SEPTIN8: variants seen among roughly 807,000 people sequenced by gnomAD.
SEPTIN8 encodes septin 8.
SEPTIN8 carries 22 observed loss-of-function variants against 53.1 expected under a neutral mutation model. That is an observed-to-expected ratio of 0.41 (90% CI 0.30 to 0.59). The LOEUF (loss-of-function observed/expected upper bound fraction) is 0.59. Ranked by LOEUF, SEPTIN8 falls within the 20% of genes least tolerant of loss-of-function variation. SEPTIN8 has a pLI of 0.24. For synonymous variants in SEPTIN8, 228 were observed against 248.4 expected (o/e 0.92, Z 0.77); for missense variants, 536 against 638.7 (o/e 0.84, Z 1.73).
rs180742450 is a variant in SEPTIN8, at chr5:132,767,916, C to G, written c.31-2387G>C. ...CAACATCCTGTAGTCTGCCGCCAAA[C>G]CCCACCAAGTCAGCTGTGTCTGGAA... On this transcript the variant is annotated intron_variant, in intron 1 of 9. Transcript: ENST00000378719. 1.3e-4 allele frequency among the ~76,000 whole-genome samples: 20 copies of G among 149,428 alleles called. No homozygotes were observed. In the East Asian group the frequency reaches 4.1e-3, roughly 31 times the overall value.
intron 3 of SEPTIN8, 118 bp downstream of exon 3, chr5:132,764,106 A>G: frequency 8.7e-7 from 1 of 1,142,958 alleles, no homozygotes; most frequent in Non-Finnish European, 1.2e-6. Context: ...AGAGCCTCAG[A>G]TATTCCCCAA....
intron 1 of SEPTIN8, among the ~76,000 whole-genome samples, chr5:132,770,099 ATG>A (rs59479311): frequency 3.9e-4 from 9 of 22,924 alleles, no homozygotes; most frequent in African/African-American, 1.7e-3. Context: ...GTATATATAT[ATG>A]TATATATGTA....
chr5:132,752,236 G>T (rs1454824064), intron 9 of SEPTIN8, 55 bp from the exon 10 acceptor site: 1 of 1,531,266 alleles, frequency 6.5e-7, no homozygotes, highest in African/African-American at 1.4e-5. Flanking sequence ...TCTGTGTTTT[G>T]CCCCTTTAGC....
chr5:132,764,620 A>C (rs1756394268), intron 2 of SEPTIN8, among the ~76,000 whole-genome samples: 1 of 152,232 alleles, frequency 6.6e-6, no homozygotes, highest in African/African-American at 2.4e-5. Context: ...AACCTGTGGA[A>C]GGAAGAGCCA....
rs527690347 is a variant in SEPTIN8 at position 132,777,186 on chromosome 5, G to A, written c.-49C>T. The A allele has an allele frequency of 3.9e-5, 45 of 1,164,418 alleles. No individual in the cohort carries two copies. Among genetic ancestry groups the A allele is most frequent in the Non-Finnish European group, 4.6e-5 (43 of 943,894 alleles). 72.1% of individuals were successfully genotyped at this position (1,164,418 alleles called of 1,614,324 possible). On this transcript the variant is annotated 5_prime_UTR_variant, in exon 1 of 10. Coordinates refer to ENST00000378719, the MANE Select transcript of SEPTIN8 (RefSeq NM_001098811.2). The surrounding 1 kb of genome is among the most constrained non-coding windows in gnomAD (Gnocchi z 4.1). The stretch of plus-strand genomic sequence containing the variant: ...GGGCTGGGACGAGCGCAGGGGCAGC[G>A]ACAGGGACCAGCCGGCTGCGGGACG...
chr5:132,769,984 TA>T (rs1757016697), intron 1 of SEPTIN8, among the ~76,000 whole-genome samples: 1 of 20,572 alleles, frequency 4.9e-5, no homozygotes, highest in Admixed American at 5.0e-4. Flanking sequence ...TATATATACA[TA>T]TATATATATA....
chr5:132,777,545 A>C (rs1676963481), upstream of SEPTIN8: 1 of 961,506 alleles, frequency 1.0e-6, no homozygotes, highest in Admixed American at 6.2e-5. This position sits in a 1 kb window ranked among gnomAD's most constrained non-coding sequence, Gnocchi z 4.1. Context: ...CCTAGGTGAG[A>C]GTCTCCTGGG....
At chr5:132,763,578 A>G (rs1756224027) in intron 4 of SEPTIN8, 128 bp downstream of exon 4, 2 of 809,972 alleles carry the variant, frequency 2.5e-6, no homozygotes, top group Non-Finnish European at 4.0e-6. Flanking sequence ...GACCGAGCCA[A>G]TGGGGGGCCA....
At position 132,773,444 on chromosome 5, in the gene SEPTIN8, G is replaced by T. The variant is rs986901135; in HGVS notation, c.30+3664C>A. Among the ~76,000 whole-genome samples, 3 of 152,178 alleles carry T rather than the reference G, an allele frequency of 2.0e-5. No homozygotes were observed. Among genetic ancestry groups the T allele is most frequent in the Admixed American group, 6.5e-5 (1 of 15,274 alleles). On this transcript the variant is annotated intron_variant, in intron 1 of 9. Transcript: ENST00000378719. The surrounding 1 kb of genome is among the most constrained non-coding windows in gnomAD (Gnocchi z 4.2). ...CACAGAGACATTCGTGGTAGTTACT[G>T]CCCCAAATATAATATATGCTTCCAC...
upstream of SEPTIN8, among the ~76,000 whole-genome samples, chr5:132,778,382 G>C (rs534592338): frequency 2.0e-5 from 3 of 152,248 alleles, no homozygotes; most frequent in South Asian, 6.2e-4. Context: ...TAGCACACCT[G>C]GCTTAAGAGG....
chr5:132,758,422 T>G (rs2149959328), intron 9 of SEPTIN8: 23 of 1,564,640 alleles, frequency 1.5e-5, no homozygotes, highest in Non-Finnish European at 1.9e-5. Context: ...CAGCTGCACC[T>G]AGGGCACCAC....
chr5:132,755,511 A>G (rs1327677527), intron 9 of SEPTIN8, among the ~76,000 whole-genome samples: 3 of 152,122 alleles, frequency 2.0e-5, no homozygotes, highest in Non-Finnish European at 4.4e-5. Flanking sequence ...GTTACTTGCC[A>G]TGTAACCTTG....
At chr5:132,757,109 T>C (rs1055160000) in intron 9 of SEPTIN8, 21 of 985,048 alleles carry the variant, frequency 2.1e-5, no homozygotes, top group Non-Finnish European at 2.3e-5. Context: ...TACGGACTTA[T>C]TGTGACGCTA....
In SEPTIN8 at chr5:132,777,121, A is replaced by C; in HGVS notation, c.17T>G (p.Leu6Arg). The C allele has an allele frequency of 9.3e-7, 1 of 1,076,536 alleles. No individual in the cohort carries two copies. The allele number at this position is 1,076,536 out of a possible 1,614,324, so 66.7% of individuals were successfully genotyped here. A position where few individuals can be genotyped will look rare whatever the true frequency, so the allele number is the denominator to read the frequency against. The part of the protein sequence containing the change: MAATD[L>R]ERFSNAEPEP... Reference sequence around the variant, plus strand: ...CGGGGCCCTCACCGAGAAGCGCTCCAGGTCGGTGGCCGCCATGGCGAGCTC... The same window carrying C: ...CGGGGCCCTCACCGAGAAGCGCTCCCGGTCGGTGGCCGCCATGGCGAGCTC... Residue 6 changes from leucine (L) to arginine (R), a missense_variant, in exon 1 of 10, where the codon CTG (leucine) becomes CGG (arginine). Transcript: ENST00000378719. The surrounding 1 kb of genome is among the most constrained non-coding windows in gnomAD (Gnocchi z 4.1).
rs1003008582 is a variant in SEPTIN8, at chr5:132,760,381, C to T, written c.1286+421G>A. Among the ~76,000 whole-genome samples, 2 of 152,134 alleles carry T rather than the reference C, an allele frequency of 1.3e-5. No individual in the cohort carries two copies. The highest frequency in any genetic ancestry group is 2.9e-5 in the Non-Finnish European group (2 of 68,038). ...CATTCCCAGAGCCCTGCAGCTTCGC[C>T]CTCTCCACGCTGCTCCTCACCCGTG... On this transcript the variant is annotated intron_variant, in intron 9 of 9. Transcript: ENST00000378719. The surrounding 1 kb of genome is among the most constrained non-coding windows in gnomAD (Gnocchi z 5.2).
rs1757499422 is a variant in SEPTIN8 at position 132,773,357 on chromosome 5, G to A, written c.30+3751C>T. Among the ~76,000 whole-genome samples, 1 of 152,224 alleles carries A rather than the reference G, an allele frequency of 6.6e-6. No homozygotes were observed. Among genetic ancestry groups the A allele is most frequent in the Admixed American group, 6.5e-5 (1 of 15,284 alleles). On this transcript the variant is annotated intron_variant, in intron 1 of 9. Coordinates refer to ENST00000378719, the MANE Select transcript of SEPTIN8 (RefSeq NM_001098811.2). The surrounding 1 kb of genome is among the most constrained non-coding windows in gnomAD (Gnocchi z 4.2). The stretch of plus-strand genomic sequence containing the variant: ...TGCAAGGGACACACAGAGGCCAGCT[G>A]GCCCTCAGGCCCTTTGCTCTACCAT...
At chr5:132,765,816 G>A (rs1561760046) in intron 1 of SEPTIN8, among the ~76,000 whole-genome samples, 2 of 152,330 alleles carry the variant, frequency 1.3e-5, no homozygotes. Context: ...TCCTGGCATA[G>A]GTGGCCCCAG....
At chr5:132,762,408 C>T (rs1461571856) in intron 5 of SEPTIN8, 76 bp downstream of exon 5, 1 of 1,439,440 alleles carries the variant, frequency 6.9e-7, no homozygotes, top group Non-Finnish European at 9.7e-7. Context: ...ACAAGAGTCT[C>T]CTGGGGCTGT....
intron 9 of SEPTIN8, chr5:132,756,034 A>G (rs1174020738): frequency 2.0e-6 from 2 of 985,274 alleles, no homozygotes; most frequent in African/African-American, 1.7e-5. Flanking sequence ...AATGAAAAAA[A>G]TAAGTACAAA....
Sources: gnomAD v4.1 joint callset for allele counts (sites outside exome capture counted in the v4.1 genomes callset) on GRCh38, gnomAD v4.1.1 for gene constraint, Gnocchi (gnomAD v3.1) non-coding constraint, MANE v1.5 for transcripts, NCBI Gene and HGNC (gene_info 2026-07-23, HGNC 2026-07-21) for gene names.